GALNT18: variants seen among roughly 807,000 people sequenced by gnomAD.
GALNT18 encodes the protein GalNAc-transferase 18.
In GALNT18, 44 loss-of-function variants were observed where a neutral mutation model predicts 69.5. The ratio of observed to expected loss-of-function variants is 0.63; its 90% CI spans 0.50 to 0.81. The LOEUF (loss-of-function observed/expected upper bound fraction) is 0.81. Ranked by LOEUF, GALNT18 falls within the 40% of genes least tolerant of loss-of-function variation. The pLI, the probability that GALNT18 is intolerant of heterozygous loss-of-function variation, is 0.00. For missense variants in GALNT18, 715 were observed against 810.0 expected (o/e 0.88, Z 1.42); for synonymous variants, 364 against 318.2 (o/e 1.14, Z -1.53).
At position 11,315,760 on chromosome 11, in the gene GALNT18, T is replaced by C. The variant is rs1564892150; in HGVS notation, c.1512+11326A>G. Among the ~76,000 whole-genome samples the C allele has an allele frequency of 6.6e-6, 1 of 152,138 alleles. No homozygotes were observed. Among genetic ancestry groups the C allele is most frequent in the Non-Finnish European group, 1.5e-5 (1 of 68,038 alleles). On this transcript the variant is annotated intron_variant, in intron 9 of 10. Transcript: ENST00000227756. The surrounding 1 kb of genome is among the most constrained non-coding windows in gnomAD (Gnocchi z 5.6). ...AAGATCAGATCACTTGCCCCCGTCA[T>C]ACATGTGGTACGGGCAGAACTGGGC...
At chr11:11,342,787 G>T (rs1488679937) in intron 6 of GALNT18, among the ~76,000 whole-genome samples, 1 of 152,210 alleles carries the variant, frequency 6.6e-6, no homozygotes, top group East Asian at 1.9e-4. Flanking sequence ...TCTGCTCCAT[G>T]CCTACTATGT....
Position 11,563,068 on chromosome 11 carries a change from C to T in GALNT18, c.235+58291G>A, listed in dbSNP as rs777383252. 6.6e-6 allele frequency among the ~76,000 whole-genome samples: 1 copy of T among 152,154 alleles called. No individual in the cohort carries two copies. Among genetic ancestry groups the T allele is most frequent in the African/African-American group, 2.4e-5 (1 of 41,434 alleles). ...CATGGCTTCCCTATATACTTCCACC[C>T]CCACCCTGCAAACAAGACTCCTCCA... On this transcript the variant is annotated intron_variant, in intron 1 of 10. Transcript: ENST00000227756. This position sits in a 1 kb window ranked among gnomAD's most constrained non-coding sequence, Gnocchi z 4.6.
chr11:11,569,664 A>C (rs1318319252), intron 1 of GALNT18, among the ~76,000 whole-genome samples: 2 of 152,162 alleles, frequency 1.3e-5, no homozygotes, highest in Non-Finnish European at 2.9e-5. Flanking sequence ...TCCTTCCTGA[A>C]ATGGCTGAAC....
chr11:11,367,929 A>G (rs1850807986), intron 6 of GALNT18, among the ~76,000 whole-genome samples: 1 of 152,166 alleles, frequency 6.6e-6, no homozygotes, highest in Non-Finnish European at 1.5e-5. Flanking sequence ...ATCATTAACA[A>G]CTGTGCCATA....
At chr11:11,394,120 G>T (rs939536967) in intron 3 of GALNT18, among the ~76,000 whole-genome samples, 2 of 152,194 alleles carry the variant, frequency 1.3e-5, no homozygotes, top group South Asian at 4.1e-4. Context: ...GTTGTCACAA[G>T]GTGCTATGAA....
chr11:11,503,329 G>T (rs894821157), intron 1 of GALNT18, among the ~76,000 whole-genome samples: 3 of 152,148 alleles, frequency 2.0e-5, no homozygotes, highest in Non-Finnish European at 4.4e-5. Flanking sequence ...GTTAATGTGG[G>T]CTGCTATGAA....
rs79088424 is a variant in GALNT18 at position 11,615,656 on chromosome 11, T to A, written c.235+5703A>T. Among the ~76,000 whole-genome samples the A allele has an allele frequency of 7.0e-3, 1,053 of 151,478 alleles. 12 individuals are homozygous for A. Among genetic ancestry groups the A allele is most frequent in the African/African-American group, 0.024 (1,011 of 41,274 alleles). On this transcript the variant is annotated intron_variant, in intron 1 of 10. Transcript: ENST00000227756. ...TTTTCCTGAAACAGTTATTTTCAACTTTTTTTTTAAAGAAGTACAACTTTT... is the reference window on the plus strand; with the variant it reads ...TTTTCCTGAAACAGTTATTTTCAACATTTTTTTTAAAGAAGTACAACTTTT...
At chr11:11,441,067 C>T (rs1034870139) in intron 2 of GALNT18, among the ~76,000 whole-genome samples, 1 of 152,220 alleles carries the variant, frequency 6.6e-6, no homozygotes, top group East Asian at 1.9e-4. Context: ...AAATACTTCA[C>T]TTTCTCAACA....
Position 11,541,934 on chromosome 11 carries a change from C to G in GALNT18, c.235+79425G>C, listed in dbSNP as rs1334107609. Among the ~76,000 whole-genome samples, 1 of 152,138 alleles carries G rather than the reference C, an allele frequency of 6.6e-6. No homozygotes were observed. The highest frequency in any genetic ancestry group is 1.5e-5 in the Non-Finnish European group (1 of 68,024). ...GCCACAACCTCCTGCAGGAGAATCA[C>G]AGGCAAGGCAACTATAGACACGAGC... On this transcript the variant is annotated intron_variant, in intron 1 of 10. Coordinates refer to ENST00000227756, the MANE Select transcript of GALNT18 (RefSeq NM_198516.3). This position sits in a 1 kb window ranked among gnomAD's most constrained non-coding sequence, Gnocchi z 4.8.
At position 11,540,040 on chromosome 11, in the gene GALNT18, A is replaced by T. The variant is rs1000890102; in HGVS notation, c.235+81319T>A. On this transcript the variant is annotated intron_variant, in intron 1 of 10. Transcript: ENST00000227756. This position sits in a 1 kb window ranked among gnomAD's most constrained non-coding sequence, Gnocchi z 4.6. The stretch of plus-strand genomic sequence containing the variant: ...CAGGGGACCCCGATGCCAGTCCGGC[A>T]CTTGCAGCCTGGCCTCTGGGCTGGC... 2.6e-5 allele frequency among the ~76,000 whole-genome samples: 4 copies of T among 152,214 alleles called. No individual in the cohort carries two copies. The highest frequency in any genetic ancestry group is 5.9e-5 in the Non-Finnish European group (4 of 68,036).
In GALNT18 at chr11:11,546,877, G is replaced by A. The variant is rs1252494173; in HGVS notation, c.235+74482C>T. On this transcript the variant is annotated intron_variant, in intron 1 of 10. Transcript: ENST00000227756. This position sits in a 1 kb window ranked among gnomAD's most constrained non-coding sequence, Gnocchi z 5.8. Reference sequence around the variant, plus strand: ...GGTGGGCAGATGAGTAAGTGGGTGGGAGATGTGTATGGATGAATGGATAGA... The same window carrying A: ...GGTGGGCAGATGAGTAAGTGGGTGGAAGATGTGTATGGATGAATGGATAGA... 1.3e-5 allele frequency among the ~76,000 whole-genome samples: 2 copies of A among 152,060 alleles called. No homozygotes were observed. The highest frequency in any genetic ancestry group is 1.9e-4 in the East Asian group (1 of 5,192).
At chr11:11,489,407 C>T (rs755685582) in intron 1 of GALNT18, among the ~76,000 whole-genome samples, 8 of 152,180 alleles carry the variant, frequency 5.3e-5, no homozygotes, top group Non-Finnish European at 1.0e-4. Context: ...CTGAACCTCC[C>T]TGAGATAATA....
chr11:11,419,283 G>T (rs1331179402), intron 3 of GALNT18, among the ~76,000 whole-genome samples: 1 of 152,026 alleles, frequency 6.6e-6, no homozygotes, highest in Non-Finnish European at 1.5e-5. Context: ...CTTTTTTTCT[G>T]TTTCAATCCT....
At chr11:11,280,181 C>T (rs749943663) in intron 10 of GALNT18, among the ~76,000 whole-genome samples, 3 of 152,168 alleles carry the variant, frequency 2.0e-5, no homozygotes, top group Non-Finnish European at 2.9e-5. Flanking sequence ...GTGTACTCAA[C>T]AGCACAGAGA....
chr11:11,273,082 A>G (rs188989412), intron 10 of GALNT18, among the ~76,000 whole-genome samples: 45 of 152,392 alleles, frequency 3.0e-4, no homozygotes, highest in African/African-American at 1.1e-3. Context: ...CAAAACTCCT[A>G]GAAGAAAACA....
intron 1 of GALNT18, among the ~76,000 whole-genome samples, chr11:11,593,169 T>G (rs899305933): frequency 6.6e-6 from 1 of 152,198 alleles, no homozygotes; most frequent in African/African-American, 2.4e-5. Context: ...CGCCTCGGCC[T>G]CCCGCTTCGT....
At chr11:11,594,190 G>A (rs1363928396) in intron 1 of GALNT18, among the ~76,000 whole-genome samples, 2 of 152,144 alleles carry the variant, frequency 1.3e-5, no homozygotes, top group Admixed American at 6.5e-5. Context: ...CTGTCCAGAG[G>A]GACCTCATTC....
At chr11:11,495,590 C>G (rs1377026823) in intron 1 of GALNT18, among the ~76,000 whole-genome samples, 1 of 152,180 alleles carries the variant, frequency 6.6e-6, no homozygotes, top group Non-Finnish European at 1.5e-5. Context: ...CAGAAAGTCA[C>G]GTGTGGCAGC....
Position 11,620,336 on chromosome 11 carries a change from T to C in GALNT18, c.235+1023A>G, listed in dbSNP as rs1296158219. Among the ~76,000 whole-genome samples, 8 of 151,278 alleles carry C rather than the reference T, an allele frequency of 5.3e-5. No homozygotes were observed. Among genetic ancestry groups the C allele is most frequent in the Admixed American group, 3.3e-4 (5 of 15,214 alleles). ...ACGTGAGCGCGCGCGCGCGCGCGTG[T>C]GTGTGTGTGTGTGCACACCCGGCAC... On this transcript the variant is annotated intron_variant, in intron 1 of 10. Transcript: ENST00000227756. The surrounding 1 kb of genome is among the most constrained non-coding windows in gnomAD (Gnocchi z 6.9).
Sources: gnomAD v4.1 joint callset for allele counts (sites outside exome capture counted in the v4.1 genomes callset) on GRCh38, gnomAD v4.1.1 for gene constraint, Gnocchi (gnomAD v3.1) non-coding constraint, MANE v1.5 for transcripts, NCBI Gene and HGNC (gene_info 2026-07-23, HGNC 2026-07-21) for gene names.